Variants in PDS5A observed in about 807,000 individuals in gnomAD.
PDS5A encodes the protein sister chromatid cohesion protein PDS5 homolog A.
Under a neutral mutation model 167.1 loss-of-function variants are expected in PDS5A, and 42 were observed. The observed-to-expected ratio is 0.25, with a 90% CI of 0.20 to 0.33. PDS5A has a LOEUF of 0.33. PDS5A is among the 10% of genes least tolerant of loss of function. The pLI is 1.00. For synonymous variants in PDS5A, 553 were observed against 554.6 expected (o/e 1.00, Z 0.04); for missense variants, 1,033 against 1,605.9 (o/e 0.64, Z 6.10).
At chr4:39,971,234 C>CT in intron 2 of PDS5A, among the ~76,000 whole-genome samples, 1 of 152,160 alleles carries the variant, frequency 6.6e-6, no homozygotes, top group Non-Finnish European at 1.5e-5. Context: ...TCTTGGCTTA[C>CT]TGCAAGCTCC....
chr4:39,965,676 T>C (rs1321426830), intron 2 of PDS5A, among the ~76,000 whole-genome samples: 1 of 152,208 alleles, frequency 6.6e-6, no homozygotes, highest in Non-Finnish European at 1.5e-5. Context: ...ATTTCAATTA[T>C]TTGAGAGTAA....
chr4:39,901,263 TTTC>T (rs1339079388), intron 13 of PDS5A, among the ~76,000 whole-genome samples: 39 of 129,454 alleles, frequency 3.0e-4, no homozygotes, highest in South Asian at 1.3e-3. Context: ...TTTTCTTTTC[TTTC>T]TTTTTTTTTT....
intron 26 of PDS5A, among the ~76,000 whole-genome samples, chr4:39,852,265 AGAT>A (rs1365240259): frequency 2.0e-5 from 3 of 152,216 alleles, no homozygotes; most frequent in Non-Finnish European, 2.9e-5. Context: ...AATATATAAT[AGAT>A]ATTAAAACAG....
At chr4:39,910,183 G>A (rs774212396) in intron 10 of PDS5A, 61 bp downstream of exon 10, 30 of 837,006 alleles carry the variant, frequency 3.6e-5, no homozygotes, top group Non-Finnish European at 5.7e-5. Flanking sequence ...TAGGTCACAA[G>A]TCATATCTAC....
Position 39,837,878 on chromosome 4 carries a change from C to T in PDS5A, c.3988G>A (p.Glu1330Lys). The T allele has an allele frequency of 1.9e-6, 3 of 1,610,604 alleles. No individual in the cohort carries two copies. The highest frequency in any genetic ancestry group is 2.5e-6 in the Non-Finnish European group (3 of 1,178,814). ...TACCTTTGTAAGTCAATTTGTCTTTCTGCTGGTGCTGCCTTTTTGGCTAAA... is the reference window on the plus strand; with the variant it reads ...TACCTTTGTAAGTCAATTTGTCTTTTTGCTGGTGCTGCCTTTTTGGCTAAA... Reference protein sequence around the residue: ...QDLAKKAAPAERQIDLQR With the variant: ...QDLAKKAAPAKRQIDLQR The change falls in exon 32 of 33, where the codon GAA (glutamate) becomes AAA (lysine). Residue 1330 changes from glutamate to lysine, a missense_variant. By Grantham distance (56) the Glu-to-Lys change is moderately conservative (BLOSUM62 1). Transcript: ENST00000303538.
chr4:39,876,499 T>G (rs1720473492), intron 19 of PDS5A, among the ~76,000 whole-genome samples: 1 of 152,226 alleles, frequency 6.6e-6, no homozygotes, highest in South Asian at 2.1e-4. Context: ...TTGCAATGTA[T>G]TGTTTCCTTC....
chr4:39,906,917 T>TAAAATAAAAAAAAAAAA (rs1320189136), intron 11 of PDS5A, among the ~76,000 whole-genome samples: 1 of 54,032 alleles, frequency 1.9e-5, no homozygotes, highest in African/African-American at 6.2e-5. Flanking sequence ...ATTTCTTACA[T>TAAAATAAAAAAAAAAAA]AAAAAAAAAA....
intron 2 of PDS5A, among the ~76,000 whole-genome samples, chr4:39,950,542 G>T (rs1415005844): frequency 6.6e-6 from 1 of 152,082 alleles, no homozygotes; most frequent in African/African-American, 2.4e-5. Flanking sequence ...AGACCAGCCT[G>T]GGCAACATGG....
At chr4:39,870,776 G>A (rs755583631) in intron 21 of PDS5A, among the ~76,000 whole-genome samples, 5 of 152,032 alleles carry the variant, frequency 3.3e-5, no homozygotes, top group Non-Finnish European at 5.9e-5. Context: ...TAGTATGGCT[G>A]TTGCTTTTTT....
At chr4:39,891,579 C>T (rs559725490) in intron 16 of PDS5A, among the ~76,000 whole-genome samples, 5 of 151,748 alleles carry the variant, frequency 3.3e-5, no homozygotes, top group South Asian at 2.1e-4. Context: ...ACCTGGGAGG[C>T]GGAGGCTGCG....
At chr4:39,857,663 G>C (rs1237674700) in intron 26 of PDS5A, among the ~76,000 whole-genome samples, 1 of 152,048 alleles carries the variant, frequency 6.6e-6, no homozygotes, top group Non-Finnish European at 1.5e-5. Context: ...AGACCACAAA[G>C]ACTGTAGTGA....
chr4:39,922,814 T>C (rs1418822981), intron 5 of PDS5A, 66 bp from the exon 6 acceptor site: 4 of 1,365,372 alleles, frequency 2.9e-6, no homozygotes, highest in Middle Eastern at 2.8e-4. Flanking sequence ...AAGCTTCTAA[T>C]AGGAAATTAA....
intron 9 of PDS5A, among the ~76,000 whole-genome samples, 184 bp downstream of exon 9, chr4:39,913,427 A>C (rs999025561): frequency 6.6e-6 from 1 of 152,170 alleles, no homozygotes; most frequent in Non-Finnish European, 1.5e-5. Context: ...CACAGATAAA[A>C]TACTAAGCTT....
chr4:39,933,474 T>TA (rs1417846301), intron 2 of PDS5A: 2 of 152,280 alleles, frequency 1.3e-5, no homozygotes, highest in African/African-American at 4.8e-5. Context: ...CATATATTTT[T>TA]ACCTACGAGA....
At chr4:39,874,737 G>C (rs943662613) in intron 19 of PDS5A, among the ~76,000 whole-genome samples, 4 of 152,078 alleles carry the variant, frequency 2.6e-5, no homozygotes, top group African/African-American at 9.7e-5. Context: ...CTTCTAAGTA[G>C]CAATATTGCT....
chr4:39,904,471 T>A (rs1191466625), intron 11 of PDS5A, among the ~76,000 whole-genome samples: 2 of 152,268 alleles, frequency 1.3e-5, no homozygotes, highest in African/African-American at 4.8e-5. Flanking sequence ...CCCAAGTAGC[T>A]GGGACTACAG....
chr4:39,949,041 G>C (rs1380593095), intron 2 of PDS5A, among the ~76,000 whole-genome samples: 1 of 151,900 alleles, frequency 6.6e-6, no homozygotes, highest in Non-Finnish European at 1.5e-5. Flanking sequence ...GCTCACACCT[G>C]TAATCACAGT....
At chr4:39,951,683 G>A (rs185482059) in intron 2 of PDS5A, among the ~76,000 whole-genome samples, 50 of 151,924 alleles carry the variant, frequency 3.3e-4, no homozygotes, top group African/African-American at 1.2e-3. Context: ...GGTGGATCAC[G>A]AGGTCAGGAG....
chr4:39,922,720 G>A lies in PDS5A; in HGVS notation c.556C>T (p.His186Tyr). Residue 186 changes from histidine (H) to tyrosine (Y), a missense_variant, in exon 6 of 33, where the codon CAC becomes TAC. His to Tyr is a moderately conservative substitution (Grantham distance 83, BLOSUM62 2). This residue lies in a region of PDS5A where 388 missense variants were observed against 615.1 expected (regional missense o/e 0.63). Coordinates refer to ENST00000303538, the MANE Select transcript of PDS5A (RefSeq NM_001100399.2). The part of the protein sequence containing the change: ...NNSHNKKVQM[H>Y]MLDLMSSIIM... ...ATAGAACTCATCAAATCTAGCATGT[G>A]CATTTGTACCTTCTTATTGTGGCTA... 1.3e-6 allele frequency: 2 copies of A among 1,553,054 alleles called. No homozygotes were observed. Among genetic ancestry groups the A allele is most frequent in the Non-Finnish European group, 1.7e-6 (2 of 1,151,824 alleles).
Sources: gnomAD v4.1 joint callset for allele counts (sites outside exome capture counted in the v4.1 genomes callset) on GRCh38, gnomAD v4.1.1 for gene constraint, gnomAD v4.1.1 regional missense constraint, MANE v1.5 for transcripts, NCBI Gene and HGNC (gene_info 2026-07-23, HGNC 2026-07-21) for gene names.